Variants in CNTNAP5 observed in about 807,000 individuals in gnomAD.
CNTNAP5 encodes the protein contactin-associated protein-like 5.
Under a neutral mutation model 150.2 loss-of-function variants are expected in CNTNAP5, and 72 were observed. The ratio of observed to expected loss-of-function variants is 0.48; its 90% CI spans 0.40 to 0.58. The LOEUF (loss-of-function observed/expected upper bound fraction) is 0.58, where lower values mean the gene tolerates loss of function less well. CNTNAP5 is among the 20% of genes least tolerant of loss of function. The pLI is 0.00. For missense variants in CNTNAP5, 1,636 were observed against 1,626.2 expected (o/e 1.01, Z -0.10); for synonymous variants, 672 against 619.8 (o/e 1.08, Z -1.25).
At chr2:124,573,145 G>A (rs1418314683) in intron 11 of CNTNAP5, among the ~76,000 whole-genome samples, 1 of 152,138 alleles carries the variant, frequency 6.6e-6, no homozygotes, top group African/African-American at 2.4e-5. Context: ...CATCTTAAGT[G>A]CATTGAAGAG....
At chr2:124,675,976 A>T (rs2105063070) in intron 13 of CNTNAP5, among the ~76,000 whole-genome samples, 1 of 152,310 alleles carries the variant, frequency 6.6e-6, no homozygotes, top group Non-Finnish European at 1.5e-5. Context: ...TAATGTGGAA[A>T]TTCTGAAATA....
At chr2:124,310,002 A>T (rs1688784561) in intron 3 of CNTNAP5, among the ~76,000 whole-genome samples, 1 of 151,678 alleles carries the variant, frequency 6.6e-6, no homozygotes, top group South Asian at 2.1e-4. Context: ...TGGCTAGCTT[A>T]CACAGTCTGT....
At chr2:124,374,063 CTTAA>C (rs765387510) in intron 3 of CNTNAP5, among the ~76,000 whole-genome samples, 126 of 152,062 alleles carry the variant, frequency 8.3e-4, no homozygotes, top group Admixed American at 3.6e-3. Context: ...TTTTGAGATA[CTTAA>C]TTCTACAGTG....
At chr2:124,280,570 C>T (rs80184621) in intron 3 of CNTNAP5, among the ~76,000 whole-genome samples, 55 of 152,092 alleles carry the variant, frequency 3.6e-4, no homozygotes, top group African/African-American at 1.3e-3. Flanking sequence ...GTGACAATGG[C>T]GAGTGATTTC....
At position 124,401,464 on chromosome 2, in the gene CNTNAP5, T is replaced by C. The variant is rs1691423544; in HGVS notation, c.382-15979T>C. Among the ~76,000 whole-genome samples the C allele has an allele frequency of 2.0e-5, 3 of 152,236 alleles. No homozygotes were observed. In the South Asian group the frequency reaches 6.2e-4, roughly 32 times the overall value. On this transcript the variant is annotated intron_variant, in intron 3 of 23. Coordinates refer to ENST00000682447, the MANE Select transcript of CNTNAP5 (RefSeq NM_001367498.1). ...CTTATCATTATCATAGGGATGCTGA[T>C]AGACTACTTATATACAAAAGTTCAT...
intron 5 of CNTNAP5, among the ~76,000 whole-genome samples, chr2:124,435,971 A>G (rs1692522457): frequency 6.6e-6 from 1 of 152,210 alleles, no homozygotes. Context: ...TGGTAACCTC[A>G]TTGGTTGTAA....
chr2:124,908,582 A>G (rs1029584229), intron 22 of CNTNAP5, among the ~76,000 whole-genome samples: 2 of 152,132 alleles, frequency 1.3e-5, no homozygotes, highest in Non-Finnish European at 2.9e-5. Context: ...AGGTCCTAGT[A>G]CAACGCCTTA....
intron 14 of CNTNAP5, among the ~76,000 whole-genome samples, chr2:124,761,256 C>T (rs900570880): frequency 2.6e-5 from 4 of 152,064 alleles, no homozygotes; most frequent in African/African-American, 9.7e-5. Flanking sequence ...TTTTGAAGTG[C>T]TGGAATGGTA....
chr2:124,725,772 T>A (rs1680145617), intron 13 of CNTNAP5, among the ~76,000 whole-genome samples: 1 of 152,050 alleles, frequency 6.6e-6, no homozygotes, highest in Non-Finnish European at 1.5e-5. Flanking sequence ...CTTCTGTGAA[T>A]TCAAATTTTT....
chr2:124,558,116 A>T (rs1249036323), intron 10 of CNTNAP5, among the ~76,000 whole-genome samples: 2 of 152,130 alleles, frequency 1.3e-5, no homozygotes, highest in Non-Finnish European at 2.9e-5. Flanking sequence ...TTGTGTTGGG[A>T]ATTAACTGAA....
intron 13 of CNTNAP5, among the ~76,000 whole-genome samples, chr2:124,708,373 A>G: frequency 6.6e-6 from 1 of 152,118 alleles, no homozygotes; most frequent in Non-Finnish European, 1.5e-5. Flanking sequence ...TCAATGAAGG[A>G]GCTCAATCAT....
At chr2:124,878,701 CT>C (rs547474489) in intron 21 of CNTNAP5, among the ~76,000 whole-genome samples, 6,473 of 143,582 alleles carry the variant, frequency 0.045, 158 homozygotes, top group South Asian at 0.1. Flanking sequence ...TTGTTCTTTT[CT>C]TTTTTTTTTT....
chr2:124,582,600 T>C (rs1164504857), intron 11 of CNTNAP5, among the ~76,000 whole-genome samples: 1 of 152,122 alleles, frequency 6.6e-6, no homozygotes, highest in East Asian at 1.9e-4. Context: ...ACCTTGGAAA[T>C]GATCCAGTTC....
intron 21 of CNTNAP5, among the ~76,000 whole-genome samples, chr2:124,874,693 C>T (rs1395794278): frequency 6.6e-6 from 1 of 151,912 alleles, no homozygotes; most frequent in Non-Finnish European, 1.5e-5. Context: ...TAAGAAGTAG[C>T]TACTTTTTAA....
intron 11 of CNTNAP5, among the ~76,000 whole-genome samples, chr2:124,608,490 G>T (rs1291045752): frequency 6.6e-6 from 1 of 152,134 alleles, no homozygotes; most frequent in African/African-American, 2.4e-5. Flanking sequence ...GCTTTCTGGG[G>T]TAGAGATTTA....
intron 13 of CNTNAP5, among the ~76,000 whole-genome samples, chr2:124,653,275 A>G (rs1294104990): frequency 6.6e-6 from 1 of 152,070 alleles, no homozygotes; most frequent in Non-Finnish European, 1.5e-5. Flanking sequence ...TAAAATTCTG[A>G]ATTTTTTCTT....
intron 14 of CNTNAP5, among the ~76,000 whole-genome samples, chr2:124,756,878 A>C (rs11123066): frequency 0.97 from 146,922 of 152,110 alleles, 71,167 homozygotes; most frequent in East Asian, 1. Flanking sequence ...GCACATGTTT[A>C]CCTATGTAAT....
chr2:124,789,849 T>C (rs761505536), intron 17 of CNTNAP5, 53 bp from the exon 18 acceptor site: 5 of 1,551,874 alleles, frequency 3.2e-6, no homozygotes, highest in Non-Finnish European at 4.4e-6. Context: ...TAAACCTAAA[T>C]GTATTGAGCC....
At chr2:124,631,784 CAACCTACAG>C (rs1677865526) in intron 12 of CNTNAP5, among the ~76,000 whole-genome samples, 1 of 152,176 alleles carries the variant, frequency 6.6e-6, no homozygotes, top group Admixed American at 6.5e-5. Flanking sequence ...AGCAAACAGA[CAACCTACAG>C]AATGGGAGAA....
Sources: allele counts gnomAD v4.1 joint callset (sites outside exome capture counted in the v4.1 genomes callset), GRCh38; gene constraint gnomAD v4.1.1; transcripts MANE v1.5; gene names NCBI Gene and HGNC (gene_info 2026-07-23, HGNC 2026-07-21).